Variants in SENP6 observed in about 807,000 individuals in gnomAD.
SENP6 encodes sentrin-specific protease 6.
Under a neutral mutation model 134.5 loss-of-function variants are expected in SENP6, and 41 were observed. That is an observed-to-expected ratio of 0.30 (90% CI 0.24 to 0.40). SENP6 has a LOEUF of 0.40. Among genes scored for constraint, SENP6 ranks in the 10% least tolerant of loss-of-function variants. The probability of loss-of-function intolerance (pLI) is 1.00; values close to 1 mark genes in which losing one functional copy is unlikely to be tolerated. For synonymous variants in SENP6, 395 were observed against 429.8 expected, an observed-to-expected ratio of 0.92 and a Z score of 1.00; for missense variants, 1,248 against 1,312.5, an observed-to-expected ratio of 0.95 and a Z score of 0.76.
rs565022838 is a variant in SENP6, at chr6:75,639,205, G to A, written c.459-1479G>A. ...AGCTATATAAGAAATAAATACATAG[G>A]ATAGGACAGACTAGATTTAAACTTT... On this transcript the variant is annotated intron_variant, in intron 5 of 23. Transcript: ENST00000447266. 1.3e-3 allele frequency among the ~76,000 whole-genome samples: 192 copies of A among 152,206 alleles called. 1 individual carries two copies. The highest frequency in any genetic ancestry group is 3.4e-3 in the Middle Eastern group (1 of 294).
intron 16 of SENP6, among the ~76,000 whole-genome samples, chr6:75,685,824 C>G (rs1254700088): frequency 1.3e-5 from 2 of 152,096 alleles, no homozygotes; most frequent in African/African-American, 4.8e-5. Context: ...ATTATGTGGT[C>G]AATTTTTGAA....
chr6:75,673,319 C>CT (rs373435139), intron 11 of SENP6, among the ~76,000 whole-genome samples: 6,611 of 116,880 alleles, frequency 0.057, 593 homozygotes, highest in African/African-American at 0.15. Context: ...CCAATGTCTA[C>CT]TTTTTTTTTT....
chr6:75,710,589 A>T (rs1775691881), intron 20 of SENP6, among the ~76,000 whole-genome samples: 1 of 152,212 alleles, frequency 6.6e-6, no homozygotes, highest in African/African-American at 2.4e-5. Flanking sequence ...ATAGCTTTTC[A>T]ATCCAACATA....
At chr6:75,713,368 A>AT (rs1000814950) in intron 21 of SENP6, 145 bp from the exon 22 acceptor site, 69 of 582,340 alleles carry the variant, frequency 1.2e-4, no homozygotes, top group Middle Eastern at 7.6e-4. Flanking sequence ...TATAAGGTTC[A>AT]TTTTTTTTCC....
intron 1 of SENP6, among the ~76,000 whole-genome samples, chr6:75,613,922 T>C (rs550210134): frequency 2.2e-4 from 33 of 152,342 alleles, no homozygotes; most frequent in African/African-American, 7.5e-4. Flanking sequence ...TGATACAGAA[T>C]GATGTATTGC....
chr6:75,678,912 T>C lies in SENP6; in HGVS notation c.2060T>C (p.Ile687Thr). The change falls in exon 16 of 24, where the codon ATA becomes ACA. Residue 687 changes from isoleucine to threonine, a missense_variant. Coordinates refer to ENST00000447266, the MANE Select transcript of SENP6 (RefSeq NM_015571.4). The stretch of plus-strand genomic sequence containing the variant: ...GGAGAATTTTTAAATGATGTTATTA[T>C]AGACTTTTATTTGAAGTAAGTTAAT... ...NEGEFLNDVI[I>T]DFYLKYLVLE... 6.8e-7 allele frequency: 1 copy of C among 1,476,444 alleles called. No homozygotes were observed. Among genetic ancestry groups the C allele is most frequent in the East Asian group, 2.3e-5 (1 of 43,968 alleles). 91.5% of individuals were successfully genotyped at this position (1,476,444 alleles called of 1,614,324 possible).
intron 13 of SENP6, 99 bp downstream of exon 13, chr6:75,676,153 A>C: frequency 1.5e-6 from 1 of 683,998 alleles, no homozygotes; most frequent in East Asian, 3.1e-5. Flanking sequence ...CAGATGCCTT[A>C]GGTGTATATT....
At chr6:75,678,221 C>T (rs9360932) in intron 14 of SENP6, 20,972 of 190,518 alleles carry the variant, frequency 0.11, 1,206 homozygotes, top group African/African-American at 0.14. Context: ...TCTGCCCCTA[C>T]ATCTTATAGA....
Position 75,602,519 on chromosome 6 carries a change from A to G in SENP6, c.-6A>G. The G allele has an allele frequency of 6.4e-7, 1 of 1,551,218 alleles. No homozygotes were observed. The highest frequency in any genetic ancestry group is 8.7e-7 in the Non-Finnish European group (1 of 1,146,860). On this transcript the variant is annotated 5_prime_UTR_variant, in exon 1 of 24. Transcript: ENST00000447266. ...ATTAAGAAGGAGGCGGCGTGGGAGGAGGAAGATGGCGGCCGGCAAGAGCGG... is the reference window on the plus strand; with the variant it reads ...ATTAAGAAGGAGGCGGCGTGGGAGGGGGAAGATGGCGGCCGGCAAGAGCGG...
rs1213606508 is a variant in SENP6, at chr6:75,675,855, T to G, written c.1427-5T>G. On this transcript the variant is annotated splice_region_variant and splice_polypyrimidine_tract_variant and intron_variant, in intron 12 of 23. Transcript: ENST00000447266. Reference sequence around the variant, plus strand: ...TATTTTTCCATTTCATTTGTTTTCCTCCAGAACCAGACCATGATCCTGTAG... The same window carrying G: ...TATTTTTCCATTTCATTTGTTTTCCGCCAGAACCAGACCATGATCCTGTAG... The G allele has an allele frequency of 6.4e-7, 1 of 1,570,132 alleles. No homozygotes were observed. The highest frequency in any genetic ancestry group is 2.3e-5 in the East Asian group (1 of 44,248).
intron 6 of SENP6, among the ~76,000 whole-genome samples, chr6:75,645,820 T>A (rs1333555321): frequency 6.6e-6 from 1 of 152,224 alleles, no homozygotes; most frequent in Admixed American, 6.5e-5. Flanking sequence ...TGCCCTGCTT[T>A]TATAGGAAAA....
At chr6:75,632,735 C>A (rs1769207978) in intron 3 of SENP6, among the ~76,000 whole-genome samples, 2 of 152,124 alleles carry the variant, frequency 1.3e-5, no homozygotes, top group Non-Finnish European at 2.9e-5. Flanking sequence ...GTTTTAGGGA[C>A]TTCCAGACTG....
At chr6:75,663,541 T>G in intron 9 of SENP6, 23 bp downstream of exon 9, 1 of 1,550,854 alleles carries the variant, frequency 6.4e-7, no homozygotes, top group Non-Finnish European at 8.8e-7. Context: ...CTCCCTTTAA[T>G]ATTGCTTATA....
chr6:75,648,947 C>T (rs1012914913), intron 7 of SENP6, among the ~76,000 whole-genome samples: 6 of 152,130 alleles, frequency 3.9e-5, no homozygotes, highest in Admixed American at 2.0e-4. Context: ...TATATTCTTG[C>T]TCTGTCACAA....
At chr6:75,707,282 A>G (rs1013408721) in intron 19 of SENP6, among the ~76,000 whole-genome samples, 7 of 151,998 alleles carry the variant, frequency 4.6e-5, no homozygotes, top group African/African-American at 1.7e-4. Context: ...TTTTAGCTTT[A>G]AACAGACTTA....
intron 1 of SENP6, among the ~76,000 whole-genome samples, chr6:75,610,163 A>G (rs2149819278): frequency 1.3e-5 from 2 of 152,288 alleles, no homozygotes; most frequent in East Asian, 3.9e-4. Flanking sequence ...TGGACAAAAG[A>G]GGAAGAATGT....
intron 2 of SENP6, among the ~76,000 whole-genome samples, chr6:75,622,406 A>C (rs1768344546): frequency 6.6e-6 from 1 of 152,056 alleles, no homozygotes; most frequent in South Asian, 2.1e-4. Context: ...AAAAATACAA[A>C]AGATTAGCTG....
rs550398431 is a variant in SENP6 at position 75,627,108 on chromosome 6, C to T, written c.207+3148C>T. ...CCTCCTGAGTAGCTGGGATTACACACGGACACCAACAAACCAGCTAACTTT... is the reference window on the plus strand; with the variant it reads ...CCTCCTGAGTAGCTGGGATTACACATGGACACCAACAAACCAGCTAACTTT... On this transcript the variant is annotated intron_variant, in intron 3 of 23. Transcript: ENST00000447266. Among the ~76,000 whole-genome samples the T allele has an allele frequency of 8.5e-5, 13 of 152,148 alleles. No homozygotes were observed. The East Asian group carries it at 1.2e-3, about 14-fold the overall frequency.
At chr6:75,622,466 G>A (rs1169937375) in intron 2 of SENP6, among the ~76,000 whole-genome samples, 3 of 152,158 alleles carry the variant, frequency 2.0e-5, no homozygotes, top group Admixed American at 6.5e-5. Flanking sequence ...GGCTGAGGCA[G>A]GAGAATCACT....
Sources: allele counts gnomAD v4.1 joint callset (sites outside exome capture counted in the v4.1 genomes callset), GRCh38; gene constraint gnomAD v4.1.1; transcripts MANE v1.5; gene names NCBI Gene and HGNC (gene_info 2026-07-23, HGNC 2026-07-21).